The following ALG12 variants were observed in gnomAD, a reference collection of about 807,000 sequenced individuals.
ALG12 encodes ALG12 alpha-1,6-mannosyltransferase, also known as dol-P-Man:Man(7)GlcNAc(2)-PP-Dol alpha-1,6-mannosyltransferase.
ALG12 carries 36 observed loss-of-function variants against 46.0 expected under a neutral mutation model. That is an observed-to-expected ratio of 0.78 (90% CI 0.60 to 1.03). The LOEUF is 1.03. Ranked by LOEUF, ALG12 falls within the 50% of genes least tolerant of loss-of-function variation. ALG12 has a pLI of 0.00. For synonymous variants in ALG12, 326 were observed against 291.6 expected, an observed-to-expected ratio of 1.12 and a Z score of -1.20; for missense variants, 599 against 633.5, an observed-to-expected ratio of 0.95 and a Z score of 0.58.
chr22:49,894,485 C>T, the ALG12 span, among the ~76,000 whole-genome samples: 12 of 152,196 alleles, frequency 7.9e-5, no homozygotes, highest in Non-Finnish European at 1.8e-4. Context: ...TGCGAGAGGC[C>T]AGAAGCCAGG....
the ALG12 span, among the ~76,000 whole-genome samples, chr22:49,863,879 T>C: frequency 6.6e-6 from 1 of 152,190 alleles, no homozygotes; most frequent in Non-Finnish European, 1.5e-5. Context: ...TTTAAACATA[T>C]TTGGGATGTT....
Position 49,909,903 on chromosome 22 carries a change from G to GGT in ALG12, c.654_655insAC (p.Leu219ThrfsTer4). 1 of 1,614,138 alleles carries GGT rather than the reference G, an allele frequency of 6.2e-7. No individual in the cohort carries two copies. ...ACAGTGACTGACTTACCTAAACAGA[G>GGT]GATCCCTGCCGGGACGGCGTGGCGA... On this transcript the variant is annotated frameshift_variant, in exon 5 of 10. Transcript: ENST00000330817. LOFTEE classifies it high-confidence loss of function.
chr22:49,896,082 C>G (rs1193966603), downstream of ALG12, among the ~76,000 whole-genome samples: 1 of 152,214 alleles, frequency 6.6e-6, no homozygotes, highest in African/African-American at 2.4e-5. Context: ...GTCAGCCTTT[C>G]AGTGACTGTT....
chr22:49,892,850 GAC>G, the ALG12 span, among the ~76,000 whole-genome samples: 5 of 152,088 alleles, frequency 3.3e-5, no homozygotes, highest in African/African-American at 4.8e-5. Flanking sequence ...AAAATTATGA[GAC>G]ACACTGAAAA....
the ALG12 span, chr22:49,885,485 A>T: frequency 6.2e-7 from 1 of 1,612,506 alleles, no homozygotes. Context: ...CAGCGGTTCC[A>T]TAGCAACGTG....
the ALG12 span, among the ~76,000 whole-genome samples, chr22:49,860,319 C>CA: frequency 6.6e-6 from 1 of 152,028 alleles, no homozygotes; most frequent in South Asian, 2.1e-4. Flanking sequence ...CAAAACAAAA[C>CA]AAAAAATACA....
At chr22:49,899,438 A>T (rs1049264319), downstream of ALG12, among the ~76,000 whole-genome samples, 5 of 151,508 alleles carry the variant, frequency 3.3e-5, no homozygotes, top group East Asian at 9.7e-4. Context: ...AGATCGCACC[A>T]CTGCACTCCA....
rs1474009485 is a variant in ALG12, at chr22:49,906,443, A to G, written c.992+1278T>C. ...GCTACAGCAGCCAGAGGAGCCCCCA[A>G]CCCAGGCACGGCCACGGCAGCCGGA... is the stretch of plus-strand genomic sequence containing the variant. On this transcript the variant is annotated intron_variant, in intron 7 of 9. Coordinates refer to ENST00000330817, the MANE Select transcript of ALG12 (RefSeq NM_024105.4). The surrounding 1 kb of genome is among the most constrained non-coding windows in gnomAD (Gnocchi z 4.4). Among the ~76,000 whole-genome samples, 1 of 151,908 alleles carries G rather than the reference A, an allele frequency of 6.6e-6. No homozygotes were observed. Among genetic ancestry groups the G allele is most frequent in the African/African-American group, 2.4e-5 (1 of 41,336 alleles).
chr22:49,876,891 G>A, the ALG12 span, among the ~76,000 whole-genome samples: 1 of 152,184 alleles, frequency 6.6e-6, no homozygotes, highest in East Asian at 1.9e-4. Flanking sequence ...GTTCCCACAC[G>A]TGGTGTTAAC....
At chr22:49,888,754 G>C in the ALG12 span, 1 of 167,304 alleles carries the variant, frequency 6.0e-6, no homozygotes, top group African/African-American at 2.4e-5. Flanking sequence ...CTGTGCGCTT[G>C]TTCCCGTGAG....
In ALG12 at chr22:49,902,172, CTGTGTGT is replaced by C. The variant is rs1569171666; in HGVS notation, c.*1659_*1665del. 8.2e-6 allele frequency: 1 copy of C among 122,668 alleles called. No homozygotes were observed. The highest frequency in any genetic ancestry group is 1.6e-5 in the Non-Finnish European group (1 of 62,094). 7.6% of individuals were successfully genotyped at this position (122,668 alleles called of 1,614,324 possible). A position where few individuals can be genotyped will look rare whatever the true frequency, so the allele number is the denominator to read the frequency against. On this transcript the variant is annotated 3_prime_UTR_variant, in exon 10 of 10. Transcript: ENST00000330817. ...TATGCATGGTGTGTGCACGTGTGCA[CTGTGTGT>C]GGTGTGTATGCATGGTGTGTGCACA...
At position 49,901,514 on chromosome 22, in the gene ALG12, TGTG is replaced by T. The variant is rs555863397; in HGVS notation, c.*2321_*2323del. On this transcript the variant is annotated 3_prime_UTR_variant, in exon 10 of 10. Coordinates refer to ENST00000330817, the MANE Select transcript of ALG12 (RefSeq NM_024105.4). ...GTGCATTGTGTGCATGATTGCATTG[TGTG>T]GTGTGTATGCATGGTGTGTGCACGT... The T allele has an allele frequency of 4.7e-5, 7 of 150,314 alleles. No homozygotes were observed. The East Asian group carries it at 8.0e-4, about 17-fold the overall frequency. The allele number at this position is 150,314 out of a possible 1,614,324, so 9.3% of individuals were successfully genotyped here.
chr22:49,874,608 C>T, the ALG12 span, among the ~76,000 whole-genome samples: 21 of 146,486 alleles, frequency 1.4e-4, no homozygotes, highest in Non-Finnish European at 1.9e-4. Flanking sequence ...CTCCTGACCT[C>T]GTGATCCAGC....
the ALG12 span, chr22:49,884,784 G>A: frequency 6.8e-6 from 11 of 1,607,442 alleles, no homozygotes; most frequent in African/African-American, 4.0e-5. Flanking sequence ...CTGTGTCCTC[G>A]TCTCCAGTAA....
the ALG12 span, chr22:49,889,410 C>T: frequency 6.0e-6 from 1 of 166,988 alleles, no homozygotes; most frequent in Admixed American, 6.5e-5. Context: ...ACTGTTTGGC[C>T]CTTTCCAGAA....
At chr22:49,860,352 C>T in the ALG12 span, among the ~76,000 whole-genome samples, 1 of 152,146 alleles carries the variant, frequency 6.6e-6, no homozygotes, top group South Asian at 2.1e-4. Context: ...TACTTAATTT[C>T]TTTGATTCTT....
chr22:49,893,021 C>G, the ALG12 span, among the ~76,000 whole-genome samples: 6,222 of 152,166 alleles, frequency 0.041, 294 homozygotes, highest in African/African-American at 0.12. Context: ...TGTAAACGTG[C>G]TAATGCTGAA....
At chr22:49,872,132 G>GT in the ALG12 span, among the ~76,000 whole-genome samples, 2 of 152,190 alleles carry the variant, frequency 1.3e-5, no homozygotes, top group African/African-American at 4.8e-5. Context: ...TTTACCCACA[G>GT]TAGAACTTCT....
intron 6 of ALG12, 80 bp from the exon 7 acceptor site, chr22:49,908,024 A>T: frequency 1.4e-6 from 2 of 1,395,898 alleles, no homozygotes; most frequent in Non-Finnish European, 2.0e-6. Context: ...GGTGGAGAAG[A>T]CGCTTGAAGA....
Sources: allele counts gnomAD v4.1 joint callset (sites outside exome capture counted in the v4.1 genomes callset), GRCh38; gene constraint gnomAD v4.1.1; non-coding constraint Gnocchi (gnomAD v3.1); transcripts MANE v1.5; gene names NCBI Gene and HGNC (gene_info 2026-07-23, HGNC 2026-07-21).